Variants in PCDHGB4 observed in about 807,000 individuals in gnomAD.
PCDHGB4 encodes protocadherin gamma subfamily B, 4, also known as protocadherin gamma-B4.
In PCDHGB4, 38 loss-of-function variants were observed where a neutral mutation model predicts 60.5. The observed-to-expected ratio is 0.63, with a 90% CI of 0.48 to 0.82. PCDHGB4 has a LOEUF of 0.82. PCDHGB4 is among the 40% of genes least tolerant of loss of function. PCDHGB4 has a pLI of 0.00. For synonymous variants in PCDHGB4, 456 were observed against 509.7 expected, an observed-to-expected ratio of 0.89 and a Z score of 1.42; for missense variants, 1,109 against 1,209.6, an observed-to-expected ratio of 0.92 and a Z score of 1.23.
intron 1 of PCDHGB4, among the ~76,000 whole-genome samples, chr5:141,467,372 T>C (rs1006663543): frequency 2.0e-5 from 3 of 152,072 alleles, no homozygotes; most frequent in African/African-American, 7.2e-5. Flanking sequence ...TTTTCTTATA[T>C]TGCATTTAGG....
chr5:141,476,725 C>G lies in PCDHGB4; in HGVS notation c.2398-18082C>G. On this transcript the variant is annotated intron_variant, in intron 1 of 3. Coordinates refer to ENST00000519479, the MANE Select transcript of PCDHGB4 (RefSeq NM_003736.4). This position sits in a 1 kb window ranked among gnomAD's most constrained non-coding sequence, Gnocchi z 7.6. ...AGCTGGTGTTGGAGCGCGCCCTGGA[C>G]CGAGAACGGGAGCCTAGTCTCCAGT... The G allele has an allele frequency of 6.2e-7, 1 of 1,614,132 alleles. No homozygotes were observed. Among genetic ancestry groups the G allele is most frequent in the Non-Finnish European group, 8.5e-7 (1 of 1,180,038 alleles).
intron 1 of PCDHGB4, chr5:141,415,740 G>GTTTTGTTTTT (rs2095911163): frequency 1.9e-6 from 1 of 515,998 alleles, no homozygotes; most frequent in African/African-American, 2.8e-5. Context: ...GTTTATTAAG[G>GTTTTGTTTTT]TTTTTTTTTT....
chr5:141,458,408 C>T (rs895785923), intron 1 of PCDHGB4, among the ~76,000 whole-genome samples: 3 of 151,932 alleles, frequency 2.0e-5, no homozygotes, highest in Non-Finnish European at 2.9e-5. Context: ...AGAGACGGAG[C>T]GGGGGTTCCA....
At position 141,389,543 on chromosome 5, in the gene PCDHGB4, C is replaced by A. The variant is rs550025687; in HGVS notation, c.1659C>A (p.Arg553=). 5.6e-6 allele frequency: 9 copies of A among 1,613,282 alleles called. No individual in the cohort carries two copies. In the East Asian group the frequency reaches 6.7e-5, roughly 12 times the overall value. ...GCCTGCGCGTGTTAGTGGACGACCG[C>A]AACGACAATGCGCCACGGGTGCTGT... ...NVSLRVLVDD[R]NDNAPRVLYP... The change falls in exon 1 of 4, where the codon CGC becomes CGA. Residue 553 remains arginine (R), a synonymous_variant. Transcript: ENST00000519479.
chr5:141,489,112 A>C lies in PCDHGB4; in HGVS notation c.2398-5695A>C. 3 of 412,420 alleles carry C rather than the reference A, an allele frequency of 7.3e-6. No individual in the cohort carries two copies. Among genetic ancestry groups the C allele is most frequent in the South Asian group, 4.2e-5 (1 of 23,838 alleles). The allele number at this position is 412,420 out of a possible 1,614,324, so 25.5% of individuals were successfully genotyped here. ...TGACTAAGAACTGCTGCAAGCAGGC[A>C]AACCTCCGAGCAGTTTTTAAGAGGC... is the stretch of plus-strand genomic sequence containing the variant. On this transcript the variant is annotated intron_variant, in intron 1 of 3. Coordinates refer to ENST00000519479, the MANE Select transcript of PCDHGB4 (RefSeq NM_003736.4). The surrounding 1 kb of genome is among the most constrained non-coding windows in gnomAD (Gnocchi z 4.5).
chr5:141,510,847 AG>A, intron 3 of PCDHGB4, 99 bp from the exon 4 acceptor site: 3 of 1,595,350 alleles, frequency 1.9e-6, no homozygotes, highest in Non-Finnish European at 2.6e-6. Context: ...GTCAAGGCCC[AG>A]GGTGCTGTAT....
At chr5:141,436,849 T>C (rs1007573014) in intron 1 of PCDHGB4, among the ~76,000 whole-genome samples, 11 of 152,256 alleles carry the variant, frequency 7.2e-5, no homozygotes, top group African/African-American at 2.7e-4. Context: ...ACATTCTTGA[T>C]TGAGAAGCCA....
chr5:141,421,426 A>G, intron 1 of PCDHGB4: 2 of 1,614,104 alleles, frequency 1.2e-6, no homozygotes, highest in South Asian at 1.1e-5. Context: ...CGGAGTCCGC[A>G]TCGTCTCCAG....
rs1342473418 is a variant in PCDHGB4, at chr5:141,477,702, A to G, written c.2398-17105A>G. On this transcript the variant is annotated intron_variant, in intron 1 of 3. Transcript: ENST00000519479. The surrounding 1 kb of genome is among the most constrained non-coding windows in gnomAD (Gnocchi z 4.9). Reference sequence around the variant, plus strand: ...TCCTTAGTGCCCCTAGACTATGAGGATCGGCGGGAATTTGAATTAACAGCT... The same window carrying G: ...TCCTTAGTGCCCCTAGACTATGAGGGTCGGCGGGAATTTGAATTAACAGCT... The G allele has an allele frequency of 1.9e-6, 3 of 1,613,924 alleles. No individual in the cohort carries two copies. Among genetic ancestry groups the G allele is most frequent in the Non-Finnish European group, 2.5e-6 (3 of 1,180,044 alleles).
chr5:141,412,930 C>A, intron 1 of PCDHGB4: 1 of 451,594 alleles, frequency 2.2e-6, no homozygotes, highest in Non-Finnish European at 3.9e-6. Context: ...GCAGTAACTT[C>A]TTAGGACTCT....
intron 1 of PCDHGB4, chr5:141,424,126 G>C: frequency 9.3e-6 from 5 of 538,222 alleles, no homozygotes; most frequent in Non-Finnish European, 1.2e-5. Flanking sequence ...TGATCCTGTT[G>C]ATTTAATAGC....
intron 2 of PCDHGB4, among the ~76,000 whole-genome samples, chr5:141,495,994 T>C (rs2099765151): frequency 6.6e-6 from 1 of 152,146 alleles, no homozygotes; most frequent in Non-Finnish European, 1.5e-5. Flanking sequence ...ATCTCTCTTT[T>C]TCTTTTATCT....
At chr5:141,403,106 C>A (rs1311418325) in intron 1 of PCDHGB4, 1 of 1,614,066 alleles carries the variant, frequency 6.2e-7, no homozygotes. Context: ...CTCCAAGGAC[C>A]TGGCTCTGGA....
rs1236961370 is a variant in PCDHGB4, at chr5:141,512,621, C to T, written c.*1448C>T. 1 of 152,964 alleles carries T rather than the reference C, an allele frequency of 6.5e-6. No homozygotes were observed. The highest frequency in any genetic ancestry group is 1.5e-5 in the Non-Finnish European group (1 of 68,612). 9.5% of individuals were successfully genotyped at this position (152,964 alleles called of 1,614,324 possible). A position where few individuals can be genotyped will look rare whatever the true frequency, so the allele number is the denominator to read the frequency against. Reference sequence around the variant, plus strand: ...CCATCCAGCGGGGCTGCCAGAGAACCCCAGACCTGCCCTTACAGTAGTGTA... The same window carrying T: ...CCATCCAGCGGGGCTGCCAGAGAACTCCAGACCTGCCCTTACAGTAGTGTA... On this transcript the variant is annotated 3_prime_UTR_variant, in exon 4 of 4. Coordinates refer to ENST00000519479, the MANE Select transcript of PCDHGB4 (RefSeq NM_003736.4).
chr5:141,455,476 G>C (rs2098823789), intron 1 of PCDHGB4, among the ~76,000 whole-genome samples: 1 of 152,218 alleles, frequency 6.6e-6, no homozygotes. Flanking sequence ...ATATGCAGAG[G>C]CTGGTGGAGG....
chr5:141,395,558 G>C (rs60237573), intron 1 of PCDHGB4: 1 of 127,872 alleles, frequency 7.8e-6, no homozygotes, highest in Non-Finnish European at 1.4e-5. Flanking sequence ...GTGTGTGTGT[G>C]TGTGTGTGTG....
In PCDHGB4 at chr5:141,485,049, G is replaced by C. The variant is rs1271101804; in HGVS notation, c.2398-9758G>C. On this transcript the variant is annotated intron_variant, in intron 1 of 3. Coordinates refer to ENST00000519479, the MANE Select transcript of PCDHGB4 (RefSeq NM_003736.4). The surrounding 1 kb of genome is among the most constrained non-coding windows in gnomAD (Gnocchi z 5.7). ...AACGGCGCGTAACCCTTGCGGCGCC[G>C]GCCGAACCGCGCCAGAGCTGGCGCG... 1 of 780,438 alleles carries C rather than the reference G, an allele frequency of 1.3e-6. No homozygotes were observed. The highest frequency in any genetic ancestry group is 2.1e-6 in the Non-Finnish European group (1 of 469,234). The allele number at this position is 780,438 out of a possible 1,614,324, so 48.3% of individuals were successfully genotyped here. A position where few individuals can be genotyped will look rare whatever the true frequency, so the allele number is the denominator to read the frequency against.
In PCDHGB4 at chr5:141,512,443, CCTT is replaced by C. The variant is rs1263805618; in HGVS notation, c.*1272_*1274del. On this transcript the variant is annotated 3_prime_UTR_variant, in exon 4 of 4. Coordinates refer to ENST00000519479, the MANE Select transcript of PCDHGB4 (RefSeq NM_003736.4). ...GCCCCTGCCCTCCTGAAGCCTCAGT[CCTT>C]CACCTTGCCAGGTGCCGTTTCTCTT... The C allele has an allele frequency of 1.3e-5, 2 of 152,896 alleles. No homozygotes were observed. The highest frequency in any genetic ancestry group is 4.8e-5 in the African/African-American group (2 of 41,468). 9.5% of individuals were successfully genotyped at this position (152,896 alleles called of 1,614,324 possible).
At chr5:141,405,795 G>T (rs2094718009) in intron 1 of PCDHGB4, among the ~76,000 whole-genome samples, 1 of 149,108 alleles carries the variant, frequency 6.7e-6, no homozygotes, top group African/African-American at 2.4e-5. Context: ...TTCTATTATA[G>T]TTAGCTTTCT....
Sources: gnomAD v4.1 joint callset for allele counts (sites outside exome capture counted in the v4.1 genomes callset) on GRCh38, gnomAD v4.1.1 for gene constraint, Gnocchi (gnomAD v3.1) non-coding constraint, MANE v1.5 for transcripts, NCBI Gene and HGNC (gene_info 2026-07-23, HGNC 2026-07-21) for gene names.